Variants in NAT8L observed in about 807,000 individuals in gnomAD.
The protein encoded by NAT8L is aspartate N-acetyltransferase.
Under a neutral mutation model 21.2 loss-of-function variants are expected in NAT8L, and 6 were observed. The ratio of observed to expected loss-of-function variants is 0.28; its 90% CI spans 0.16 to 0.56. NAT8L has a LOEUF of 0.56. Among genes scored for constraint, NAT8L ranks in the 20% least tolerant of loss-of-function variants. The probability of loss-of-function intolerance (pLI) is 0.93; values close to 1 mark genes in which losing one functional copy is unlikely to be tolerated. For synonymous variants in NAT8L, 239 were observed against 204.9 expected (o/e 1.17, Z -1.42); for missense variants, 331 against 433.3 (o/e 0.76, Z 2.10).
Position 2,065,491 on chromosome 4 carries a change from T to G in NAT8L, c.*1364T>G, listed in dbSNP as rs1029783600. 10 of 152,486 alleles carry G rather than the reference T, an allele frequency of 6.6e-5. No homozygotes were observed. Among genetic ancestry groups the G allele is most frequent in the African/African-American group, 2.4e-4 (10 of 41,424 alleles). The allele number at this position is 152,486 out of a possible 1,614,324, so 9.4% of individuals were successfully genotyped here. A position where few individuals can be genotyped will look rare whatever the true frequency, so the allele number is the denominator to read the frequency against. On this transcript the variant is annotated 3_prime_UTR_variant, in exon 3 of 3. Transcript: ENST00000423729. ...GTGGAGGGTGGCACAGGCTGCACAT[T>G]CAGCTTAGAAGTGGACCTGGCTTTG...
chr4:2,061,050 C>A lies in NAT8L; in HGVS notation c.429C>A (p.Ala143=). Residue 143 remains alanine, a synonymous_variant, in exon 2 of 3, where the codon GCC becomes GCA. Transcript: ENST00000423729. ...TGCTGCTGACGTGCCTGGTGCCGGC[C>A]GCGCTGCTGGGCCTGCGCTACTACT... ...RSLLLTCLVP[A]ALLGLRYYYS... is the part of the protein sequence containing the mutation. The A allele has an allele frequency of 3.1e-6, 5 of 1,596,502 alleles. No individual in the cohort carries two copies. The highest frequency in any genetic ancestry group is 4.3e-6 in the Non-Finnish European group (5 of 1,172,576).
rs921910122 is a variant in NAT8L, at chr4:2,067,689, G to A, written c.*3562G>A. 6.6e-6 allele frequency: 1 copy of A among 152,296 alleles called. No homozygotes were observed. Among genetic ancestry groups the A allele is most frequent in the African/African-American group, 2.4e-5 (1 of 41,460 alleles). 9.4% of individuals were successfully genotyped at this position (152,296 alleles called of 1,614,324 possible). ...AAGGTGGTTGCCCCGCCGGGCAGGG[G>A]GCTGTGTGGGCCCTCGTGGGGCCAC... On this transcript the variant is annotated 3_prime_UTR_variant, in exon 3 of 3. Transcript: ENST00000423729.
rs1343758569 is a variant in NAT8L, at chr4:2,059,706, C to CGGGGCGG, written c.202_208dup (p.Ala70GlyfsTer38). On this transcript the variant is annotated frameshift_variant, in exon 1 of 3. Transcript: ENST00000423729. LOFTEE classifies it high-confidence loss of function. The surrounding 1 kb of genome is among the most constrained non-coding windows in gnomAD (Gnocchi z 4.8). The stretch of plus-strand genomic sequence containing the variant: ...CTGCCCCGGTGGCTCAGCCTCACGG[C>CGGGGCGG]GGGGCGGGGGGCGCGGGGCCGCCGG... The CGGGGCGG allele has an allele frequency of 3.7e-6, 4 of 1,079,776 alleles. No homozygotes were observed. Among genetic ancestry groups the CGGGGCGG allele is most frequent in the African/African-American group, 3.5e-5 (2 of 57,918 alleles). 66.9% of individuals were successfully genotyped at this position (1,079,776 alleles called of 1,614,324 possible).
rs1577665800 is a variant in NAT8L at position 2,060,217 on chromosome 4, G to A, written c.376+330G>A. On this transcript the variant is annotated intron_variant, in intron 1 of 2. Coordinates refer to ENST00000423729, the MANE Select transcript of NAT8L (RefSeq NM_178557.4). The surrounding 1 kb of genome is among the most constrained non-coding windows in gnomAD (Gnocchi z 4.7). ...GTAGCGCCCGCCGCGGCTGGGCCCC[G>A]GCGAGTGCCTAAATATAATCTGCGG... Among the ~76,000 whole-genome samples, 4 of 152,140 alleles carry A rather than the reference G, an allele frequency of 2.6e-5. No individual in the cohort carries two copies. Among genetic ancestry groups the A allele is most frequent in the East Asian group, 3.9e-4 (2 of 5,136 alleles).
Position 2,059,949 on chromosome 4 carries a change from C to A in NAT8L, c.376+62C>A. The stretch of plus-strand genomic sequence containing the variant: ...GGGCCGGCGCGGAGCTCCCCCGCCC[C>A]GGCGTCCACGCGGACCCCGCGCCCG... On this transcript the variant is annotated intron_variant, in intron 1 of 2. Coordinates refer to ENST00000423729, the MANE Select transcript of NAT8L (RefSeq NM_178557.4). The surrounding 1 kb of genome is among the most constrained non-coding windows in gnomAD (Gnocchi z 4.8). 1.0e-6 allele frequency: 1 copy of A among 998,374 alleles called. No homozygotes were observed. Among genetic ancestry groups the A allele is most frequent in the Non-Finnish European group, 1.2e-6 (1 of 802,902 alleles). 61.8% of individuals were successfully genotyped at this position (998,374 alleles called of 1,614,324 possible).
At chr4:2,061,879 G>C (rs1272502892) in intron 2 of NAT8L, among the ~76,000 whole-genome samples, 1 of 152,134 alleles carries the variant, frequency 6.6e-6, no homozygotes, top group African/African-American at 2.4e-5. Flanking sequence ...TGGCCCAAAG[G>C]GTTGGGCAGG....
Position 2,065,566 on chromosome 4 carries a change from T to G in NAT8L, c.*1439T>G, listed in dbSNP as rs1729981612. On this transcript the variant is annotated 3_prime_UTR_variant, in exon 3 of 3. Coordinates refer to ENST00000423729, the MANE Select transcript of NAT8L (RefSeq NM_178557.4). ...GCCCAGACCCCTTTGTGTGGGGGAATTGGGGAGGGGTCGTGGCAGGCAGGG... is the reference window on the plus strand; with the variant it reads ...GCCCAGACCCCTTTGTGTGGGGGAAGTGGGGAGGGGTCGTGGCAGGCAGGG... 1 of 152,140 alleles carries G rather than the reference T, an allele frequency of 6.6e-6. No homozygotes were observed. Among genetic ancestry groups the G allele is most frequent in the South Asian group, 2.1e-4 (1 of 4,818 alleles). The allele number at this position is 152,140 out of a possible 1,614,324, so 9.4% of individuals were successfully genotyped here.
At chr4:2,063,490 G>T (rs1172320736) in intron 2 of NAT8L, among the ~76,000 whole-genome samples, 3 of 152,274 alleles carry the variant, frequency 2.0e-5, no homozygotes, top group Non-Finnish European at 2.9e-5. Context: ...CTGTTGGCCT[G>T]TTGGGTAACA....
intron 2 of NAT8L, 57 bp downstream of exon 2, chr4:2,061,219 G>A (rs1729853140): frequency 1.2e-6 from 2 of 1,600,768 alleles, no homozygotes. Context: ...TCGGGGGCAC[G>A]CACTCCAGCG....
intron 2 of NAT8L, among the ~76,000 whole-genome samples, chr4:2,062,232 T>G (rs1372124850): frequency 6.6e-6 from 1 of 152,142 alleles, no homozygotes; most frequent in Non-Finnish European, 1.5e-5. Context: ...GGATAGCTGC[T>G]GATGGCCCGT....
At position 2,059,426 on chromosome 4, in the gene NAT8L, C is replaced by G; in HGVS notation, c.-86C>G. Reference sequence around the variant, plus strand: ...GCCGCCGCCGCCGCCGCCGCGGGTCCGAGGGCGCCGCGCCCTTGCCCTGGG... The same window carrying G: ...GCCGCCGCCGCCGCCGCCGCGGGTCGGAGGGCGCCGCGCCCTTGCCCTGGG... On this transcript the variant is annotated 5_prime_UTR_variant, in exon 1 of 3. Transcript: ENST00000423729. The surrounding 1 kb of genome is among the most constrained non-coding windows in gnomAD (Gnocchi z 4.8). The G allele has an allele frequency of 3.6e-6, 2 of 553,242 alleles. No homozygotes were observed. The highest frequency in any genetic ancestry group is 4.6e-6 in the Non-Finnish European group (2 of 438,934). 34.3% of individuals were successfully genotyped at this position (553,242 alleles called of 1,614,324 possible). A position where few individuals can be genotyped will look rare whatever the true frequency, so the allele number is the denominator to read the frequency against.
chr4:2,061,092 C>A lies in NAT8L; in HGVS notation c.471C>A (p.Ile157=). Residue 157 remains isoleucine (I), a synonymous_variant, in exon 2 of 3, where the codon ATC becomes ATA. Coordinates refer to ENST00000423729, the MANE Select transcript of NAT8L (RefSeq NM_178557.4). ...GLRYYYSRKV[I]RAYLECALHT... Reference sequence around the variant, plus strand: ...GCTACTACTACAGCCGCAAGGTGATCCGCGCCTACCTGGAGTGCGCGCTGC... The same window carrying A: ...GCTACTACTACAGCCGCAAGGTGATACGCGCCTACCTGGAGTGCGCGCTGC... The A allele has an allele frequency of 6.2e-7, 1 of 1,611,044 alleles. No homozygotes were observed. The highest frequency in any genetic ancestry group is 8.5e-7 in the Non-Finnish European group (1 of 1,179,020).
Position 2,059,736 on chromosome 4 carries a change from GC to G in NAT8L, c.226del (p.Arg76AlafsTer56). The G allele has an allele frequency of 2.5e-6, 3 of 1,202,192 alleles. No homozygotes were observed. Among genetic ancestry groups the G allele is most frequent in the Non-Finnish European group, 3.1e-6 (3 of 963,712 alleles). The allele number at this position is 1,202,192 out of a possible 1,614,324, so 74.5% of individuals were successfully genotyped here. ...CGGGGGGCGCGGGGCCGCCGGGGGG[GC>G]GCGGCGTGTGCATCCGCGAGTTCCG... ...GAGGAGPPGG[R>X]GVCIREFRAA... On this transcript the variant is annotated frameshift_variant, in exon 1 of 3. Coordinates refer to ENST00000423729, the MANE Select transcript of NAT8L (RefSeq NM_178557.4). LOFTEE classifies it high-confidence loss of function. This position sits in a 1 kb window ranked among gnomAD's most constrained non-coding sequence, Gnocchi z 4.8.
chr4:2,059,873 A>C lies in NAT8L; in HGVS notation c.362A>C (p.Tyr121Ser). ...CAGCACCCGCGCGCGCAGCTGCTCT[A>C]CGCCCTGCTGGCGGGTCAGTGCGCC... ...LRQHPRAQLLYALLAALCFAV... is the reference protein window; with the variant it reads ...LRQHPRAQLLSALLAALCFAV... The change falls in exon 1 of 3, where the codon TAC (tyrosine) becomes TCC (serine). Residue 121 changes from tyrosine to serine, a missense_variant. Around this residue, in one of 2 missense-constraint regions of NAT8L, gnomAD observed 199 missense variants for 196.1 expected, o/e 1.01. Transcript: ENST00000423729. The surrounding 1 kb of genome is among the most constrained non-coding windows in gnomAD (Gnocchi z 4.8). The C allele has an allele frequency of 7.4e-7, 1 of 1,347,992 alleles. No individual in the cohort carries two copies. The highest frequency in any genetic ancestry group is 9.6e-7 in the Non-Finnish European group (1 of 1,037,804). 83.5% of individuals were successfully genotyped at this position (1,347,992 alleles called of 1,614,324 possible).
At chr4:2,061,658 T>C (rs1729892129) in intron 2 of NAT8L, among the ~76,000 whole-genome samples, 1 of 151,362 alleles carries the variant, frequency 6.6e-6, no homozygotes, top group Non-Finnish European at 1.5e-5. Context: ...AAGGGTTTTG[T>C]CCCAGCCTCT....
rs953868897 is a variant in NAT8L, at chr4:2,064,286, G to A, written c.*159G>A. On this transcript the variant is annotated 3_prime_UTR_variant, in exon 3 of 3. Coordinates refer to ENST00000423729, the MANE Select transcript of NAT8L (RefSeq NM_178557.4). Reference sequence around the variant, plus strand: ...TTGTCTGGCTGGTTCCGGGGGGTGCGGGGCTGTTGTTCTTCGGCGACACTT... The same window carrying A: ...TTGTCTGGCTGGTTCCGGGGGGTGCAGGGCTGTTGTTCTTCGGCGACACTT... 37 of 381,812 alleles carry A rather than the reference G, an allele frequency of 9.7e-5. No individual in the cohort carries two copies. Among genetic ancestry groups the A allele is most frequent in the Admixed American group, 1.7e-4 (3 of 17,964 alleles). 23.7% of individuals were successfully genotyped at this position (381,812 alleles called of 1,614,324 possible). A position where few individuals can be genotyped will look rare whatever the true frequency, so the allele number is the denominator to read the frequency against.
rs1729989623 is a variant in NAT8L at position 2,065,945 on chromosome 4, G to A, written c.*1818G>A. 6.5e-6 allele frequency: 1 copy of A among 152,676 alleles called. No homozygotes were observed. The highest frequency in any genetic ancestry group is 1.5e-5 in the Non-Finnish European group (1 of 68,108). The allele number at this position is 152,676 out of a possible 1,614,324, so 9.5% of individuals were successfully genotyped here. A position where few individuals can be genotyped will look rare whatever the true frequency, so the allele number is the denominator to read the frequency against. ...TGTGCCTTTTTCCTCTTTTGGTTTG[G>A]TTTGGGTTTGGCCTGGGGCTGGTCC... On this transcript the variant is annotated 3_prime_UTR_variant, in exon 3 of 3. Coordinates refer to ENST00000423729, the MANE Select transcript of NAT8L (RefSeq NM_178557.4).
rs761279683 is a variant in NAT8L at position 2,064,753 on chromosome 4, G to A, written c.*626G>A. 8 of 153,176 alleles carry A rather than the reference G, an allele frequency of 5.2e-5. No individual in the cohort carries two copies. The East Asian group carries it at 7.8e-4, about 15-fold the overall frequency. The allele number at this position is 153,176 out of a possible 1,614,324, so 9.5% of individuals were successfully genotyped here. Reference sequence around the variant, plus strand: ...TGGAGGGCCTGGTCTGCCCCGCGCCGCCCGGCTCTGTCCACACCTGCTTTG... The same window carrying A: ...TGGAGGGCCTGGTCTGCCCCGCGCCACCCGGCTCTGTCCACACCTGCTTTG... On this transcript the variant is annotated 3_prime_UTR_variant, in exon 3 of 3. Coordinates refer to ENST00000423729, the MANE Select transcript of NAT8L (RefSeq NM_178557.4).
Position 2,060,062 on chromosome 4 carries a change from G to A in NAT8L, c.376+175G>A, listed in dbSNP as rs1488546295. On this transcript the variant is annotated intron_variant, in intron 1 of 2. Coordinates refer to ENST00000423729, the MANE Select transcript of NAT8L (RefSeq NM_178557.4). The surrounding 1 kb of genome is among the most constrained non-coding windows in gnomAD (Gnocchi z 4.7). ...GGCTATGGGCGTGGGGATGGGCGCAGGGCCCCGAGCGGGCCGGAGCCGGGG... is the reference window on the plus strand; with the variant it reads ...GGCTATGGGCGTGGGGATGGGCGCAAGGCCCCGAGCGGGCCGGAGCCGGGG... 6.6e-6 allele frequency among the ~76,000 whole-genome samples: 1 copy of A among 151,812 alleles called. No individual in the cohort carries two copies. The highest frequency in any genetic ancestry group is 2.4e-5 in the African/African-American group (1 of 41,384).
Sources: allele counts gnomAD v4.1 joint callset (sites outside exome capture counted in the v4.1 genomes callset), GRCh38; gene constraint gnomAD v4.1.1; regional missense constraint gnomAD v4.1.1; non-coding constraint Gnocchi (gnomAD v3.1); transcripts MANE v1.5; gene names NCBI Gene and HGNC (gene_info 2026-07-23, HGNC 2026-07-21).